Variants in RBFOX1 observed in about 807,000 individuals in gnomAD.
The protein encoded by RBFOX1 is RNA binding protein fox-1 homolog 1.
A neutral mutation model predicts 57.7 loss-of-function variants in RBFOX1; 8 were observed. The ratio of observed to expected loss-of-function variants is 0.14; its 90% CI spans 0.08 to 0.25. The LOEUF (loss-of-function observed/expected upper bound fraction) is 0.25. Ranked by LOEUF, RBFOX1 falls within the 10% of genes least tolerant of loss-of-function variation. The probability of loss-of-function intolerance (pLI) is 1.00; values close to 1 mark genes in which losing one functional copy is unlikely to be tolerated. For missense variants in RBFOX1, 611 were observed against 548.5 expected (o/e 1.11, Z -1.14); for synonymous variants, 326 against 222.4 (o/e 1.47, Z -4.15).
intron 4 of RBFOX1, among the ~76,000 whole-genome samples, chr16:7,053,032 T>C (rs2050649583): frequency 6.6e-6 from 1 of 152,180 alleles, no homozygotes; most frequent in South Asian, 2.1e-4. Context: ...GTCTAATAAA[T>C]AAGCATAATG....
chr16:6,363,176 G>A (rs948476600), intron 2 of RBFOX1, among the ~76,000 whole-genome samples: 1 of 152,056 alleles, frequency 6.6e-6, no homozygotes, highest in African/African-American at 2.4e-5. Flanking sequence ...TATTTATATT[G>A]AAAATATAGA....
chr16:5,689,014 A>G (rs1008467459), intron 3 of RBFOX1, among the ~76,000 whole-genome samples: 7 of 152,206 alleles, frequency 4.6e-5, no homozygotes, highest in African/African-American at 1.7e-4. Context: ...AAAAAAAGAA[A>G]CAAAATCAAG....
At chr16:5,860,342 T>C (rs2057181377) in intron 3 of RBFOX1, among the ~76,000 whole-genome samples, 1 of 152,168 alleles carries the variant, frequency 6.6e-6, no homozygotes, top group South Asian at 2.1e-4. Flanking sequence ...CCCAAAGTGC[T>C]GGGATTACAG....
intron 3 of RBFOX1, among the ~76,000 whole-genome samples, chr16:7,025,236 C>T (rs1472195240): frequency 6.6e-6 from 1 of 151,930 alleles, no homozygotes; most frequent in Non-Finnish European, 1.5e-5. Flanking sequence ...CTTTTTAGAC[C>T]ATATAGGGTA....
rs572472723 is a variant in RBFOX1 at position 6,957,106 on chromosome 16, T to G, written c.-15-94951T>G. Among the ~76,000 whole-genome samples, 6 of 142,976 alleles carry G rather than the reference T, an allele frequency of 4.2e-5. No homozygotes were observed. In the South Asian group the frequency reaches 1.4e-3, roughly 32 times the overall value. The allele number at this position is 142,976 out of a possible 152,430, so 93.8% of individuals were successfully genotyped here. A position where few individuals can be genotyped will look rare whatever the true frequency, so the allele number is the denominator to read the frequency against. On this transcript the variant is annotated intron_variant, in intron 3 of 15. Transcript: ENST00000550418. ...TTTTTTGGTTATTTATTTTATTTTT[T>G]TATTTTTATTTTTATTTATTTATTT...
At chr16:5,405,427 C>A (rs34618680) in intron 1 of RBFOX1, among the ~76,000 whole-genome samples, 20,442 of 152,166 alleles carry the variant, frequency 0.13, 1,527 homozygotes, top group Non-Finnish European at 0.16. Context: ...TGCCTATTGC[C>A]ATGTAAGATG....
At position 5,767,515 on chromosome 16, in the gene RBFOX1, G is replaced by A. The variant is rs567784977; in HGVS notation, c.319-99788G>A. Among the ~76,000 whole-genome samples the A allele has an allele frequency of 6.6e-5, 10 of 152,318 alleles. No individual in the cohort carries two copies. The East Asian group carries it at 1.5e-3, about 24-fold the overall frequency. The stretch of plus-strand genomic sequence containing the variant: ...GTGTGTATGGGTTCAGAGCCCCTGT[G>A]CAGACATCACACTGGAATAGACCTG... On this transcript the variant is annotated intron_variant, in intron 3 of 19. Transcript: ENST00000641259.
In RBFOX1 at chr16:5,374,445, G is replaced by A. The variant is rs573251240; in HGVS notation, c.220-92771G>A. Among the ~76,000 whole-genome samples, 17 of 152,262 alleles carry A rather than the reference G, an allele frequency of 1.1e-4. No homozygotes were observed. In the East Asian group the frequency reaches 2.7e-3, roughly 24 times the overall value. On this transcript the variant is annotated intron_variant, in intron 1 of 2. Transcript: ENST00000585867. ...GAGATTGTGGAGAGGAATTCCAGGAGGAGGGAGCCCTGTGAGAAAAGACAT... is the reference window on the plus strand; with the variant it reads ...GAGATTGTGGAGAGGAATTCCAGGAAGAGGGAGCCCTGTGAGAAAAGACAT...
intron 10 of RBFOX1, chr16:7,614,336 C>T (rs1437408660): frequency 3.3e-5 from 5 of 152,140 alleles, no homozygotes; most frequent in Non-Finnish European, 2.9e-5. Flanking sequence ...TAATTCACTT[C>T]GCTTCTCTCC....
chr16:6,812,988 CTTT>C (rs976638093), intron 3 of RBFOX1, among the ~76,000 whole-genome samples: 1 of 151,948 alleles, frequency 6.6e-6, no homozygotes, highest in Non-Finnish European at 1.5e-5. Context: ...CTACTTCTCT[CTTT>C]TTTGTTAGAT....
intron 4 of RBFOX1, among the ~76,000 whole-genome samples, chr16:7,457,294 ACTAT>A (rs1017758855): frequency 6.6e-6 from 1 of 152,042 alleles, no homozygotes; most frequent in Admixed American, 6.5e-5. Context: ...AATAGCAAAC[ACTAT>A]CTTCCGATCT....
intron 3 of RBFOX1, among the ~76,000 whole-genome samples, chr16:6,975,675 C>T (rs1313680520): frequency 6.6e-6 from 1 of 152,170 alleles, no homozygotes; most frequent in Admixed American, 6.5e-5. Flanking sequence ...AGCCCAAGTT[C>T]ATAAATATCT....
intron 3 of RBFOX1, among the ~76,000 whole-genome samples, chr16:7,030,409 G>A (rs1270089505): frequency 6.6e-6 from 1 of 152,124 alleles, no homozygotes; most frequent in Non-Finnish European, 1.5e-5. Flanking sequence ...AGGTTCTGGA[G>A]GCCACAAGTC....
At chr16:7,235,124 A>G (rs936647525) in intron 4 of RBFOX1, among the ~76,000 whole-genome samples, 2 of 152,260 alleles carry the variant, frequency 1.3e-5, no homozygotes, top group South Asian at 4.1e-4. Context: ...ATATAAATCT[A>G]CACATCGGTA....
chr16:7,392,549 C>G (rs1287684906), intron 4 of RBFOX1, among the ~76,000 whole-genome samples: 1 of 152,160 alleles, frequency 6.6e-6, no homozygotes, highest in Non-Finnish European at 1.5e-5. Context: ...AGAAGGCAGG[C>G]ATGTTCATAT....
chr16:6,532,846 C>T (rs988506978), intron 2 of RBFOX1, among the ~76,000 whole-genome samples: 9 of 152,196 alleles, frequency 5.9e-5, no homozygotes, highest in South Asian at 2.1e-4. Flanking sequence ...GCAAAGATCT[C>T]AGACTTTCCA....
At chr16:6,500,849 G>A (rs1205986726) in intron 2 of RBFOX1, among the ~76,000 whole-genome samples, 2 of 101,880 alleles carry the variant, frequency 2.0e-5, no homozygotes, top group Non-Finnish European at 4.2e-5. Context: ...TAAGATCATT[G>A]TCTTTTATCT....
intron 3 of RBFOX1, among the ~76,000 whole-genome samples, chr16:6,948,839 T>A (rs924896622): frequency 6.6e-6 from 1 of 152,172 alleles, no homozygotes; most frequent in Non-Finnish European, 1.5e-5. Flanking sequence ...TTGATTTGTG[T>A]CATCAGTCTT....
intron 4 of RBFOX1, chr16:5,867,432 T>A: frequency 1.2e-6 from 1 of 850,396 alleles, no homozygotes; most frequent in Non-Finnish European, 1.6e-6. Context: ...GATTCTTCCG[T>A]GTTTCATTTC....
Sources: allele counts gnomAD v4.1 joint callset (sites outside exome capture counted in the v4.1 genomes callset), GRCh38; gene constraint gnomAD v4.1.1; transcripts MANE v1.5; gene names NCBI Gene and HGNC (gene_info 2026-07-23, HGNC 2026-07-21).